Variants in XIRP2 observed in about 807,000 individuals in gnomAD.
The protein encoded by XIRP2 is xin actin-binding repeat-containing protein 2.
Under a neutral mutation model 277.0 loss-of-function variants are expected in XIRP2, and 236 were observed. That is an observed-to-expected ratio of 0.85 (90% confidence interval 0.77 to 0.95). The LOEUF (loss-of-function observed/expected upper bound fraction) is 0.95. XIRP2 is among the 40% of genes least tolerant of loss of function. XIRP2 has a pLI of 0.00. For synonymous variants in XIRP2, 1,490 were observed against 1,416.5 expected (o/e 1.05, Z -1.17); for missense variants, 4,640 against 4,157.5 (o/e 1.12, Z -3.19).
intron 2 of XIRP2, among the ~76,000 whole-genome samples, chr2:166,994,321 CTG>C (rs1687143812): frequency 1.2e-5 from 1 of 81,460 alleles, no homozygotes; most frequent in Admixed American, 1.4e-4. Context: ...ACTCTGGGGA[CTG>C]TGGTGGGGTC....
intron 2 of XIRP2, among the ~76,000 whole-genome samples, chr2:167,084,758 G>T (rs1689871997): frequency 6.7e-6 from 1 of 150,288 alleles, no homozygotes; most frequent in East Asian, 2.0e-4. Context: ...TCTGATGGTA[G>T]TTTGTATTTC....
At chr2:166,921,727 G>C (rs1396078352) in intron 2 of XIRP2, among the ~76,000 whole-genome samples, 1 of 152,098 alleles carries the variant, frequency 6.6e-6, no homozygotes, top group East Asian at 1.9e-4. Context: ...TCCTTTCAGT[G>C]TCTACTCTTA....
At chr2:167,172,022 A>C (rs1692707566) in intron 3 of XIRP2, among the ~76,000 whole-genome samples, 1 of 152,192 alleles carries the variant, frequency 6.6e-6, no homozygotes, top group Non-Finnish European at 1.5e-5. Flanking sequence ...CATCATGGAA[A>C]ATTATGTATG....
At chr2:167,101,468 C>T (rs1690484473) in intron 2 of XIRP2, among the ~76,000 whole-genome samples, 1 of 152,146 alleles carries the variant, frequency 6.6e-6, no homozygotes, top group African/African-American at 2.4e-5. Context: ...ATCCCTCACC[C>T]ACTTCCCACC....
chr2:167,150,652 T>G (rs934369547), intron 3 of XIRP2, among the ~76,000 whole-genome samples: 1 of 151,948 alleles, frequency 6.6e-6, no homozygotes, highest in African/African-American at 2.4e-5. Context: ...ATTTAACATT[T>G]TATAGGAAGA....
chr2:166,962,660 G>C (rs530814463), intron 2 of XIRP2, among the ~76,000 whole-genome samples: 1 of 151,924 alleles, frequency 6.6e-6, no homozygotes, highest in South Asian at 2.1e-4. Flanking sequence ...ATGCCTTGTT[G>C]AAGTTTATTA....
intron 1 of XIRP2, among the ~76,000 whole-genome samples, chr2:166,895,562 A>T (rs1366106576): frequency 6.6e-6 from 1 of 152,014 alleles, no homozygotes; most frequent in East Asian, 1.9e-4. Flanking sequence ...AAAGAAGGGG[A>T]TGCCATGTCC....
intron 2 of XIRP2, among the ~76,000 whole-genome samples, chr2:166,994,912 G>A (rs1263089371): frequency 2.0e-5 from 3 of 151,144 alleles, no homozygotes; most frequent in East Asian, 2.0e-4. Context: ...AAAAATGTGG[G>A]CTTTGACTTC....
In XIRP2 at chr2:167,217,149, G is replaced by A. The variant is rs1573966538; in HGVS notation, c.724-1017G>A. Among the ~76,000 whole-genome samples the A allele has an allele frequency of 4.6e-5, 6 of 130,092 alleles. No individual in the cohort carries two copies. The Admixed American group carries it at 4.7e-4, about 10-fold the overall frequency. 85.3% of individuals were successfully genotyped at this position (130,092 alleles called of 152,430 possible). ...GGACTGTGGTGGGGTGGGGGGAGGG[G>A]GAAGGGGTAGCATTGGGAGATATAC... On this transcript the variant is annotated intron_variant, in intron 4 of 10. Coordinates refer to ENST00000409195, the MANE Select transcript of XIRP2 (RefSeq NM_152381.6).
chr2:167,058,002 T>G (rs1358178027), intron 2 of XIRP2, among the ~76,000 whole-genome samples: 1 of 150,806 alleles, frequency 6.6e-6, no homozygotes, highest in Non-Finnish European at 1.5e-5. Flanking sequence ...CCGTTATGCA[T>G]GTTTTATTTT....
At chr2:167,176,151 GT>G (rs1692840065) in intron 3 of XIRP2, among the ~76,000 whole-genome samples, 1 of 152,132 alleles carries the variant, frequency 6.6e-6, no homozygotes, top group South Asian at 2.1e-4. Context: ...GGCATTCCAG[GT>G]GCCAACTGGA....
At chr2:167,094,749 G>A (rs775514267) in intron 2 of XIRP2, among the ~76,000 whole-genome samples, 17 of 152,158 alleles carry the variant, frequency 1.1e-4, no homozygotes, top group Non-Finnish European at 2.1e-4. Flanking sequence ...GTCAGGTAAC[G>A]TGATGCCTCC....
At chr2:166,973,102 T>C (rs943457528) in intron 2 of XIRP2, among the ~76,000 whole-genome samples, 9 of 152,288 alleles carry the variant, frequency 5.9e-5, no homozygotes, top group Middle Eastern at 3.4e-3. Context: ...CCACTTGCAT[T>C]TCATCAGCCA....
rs1202236116 is a variant in XIRP2, at chr2:167,085,363, G to C, written c.409-50546G>C. On this transcript the variant is annotated intron_variant, in intron 2 of 10. Transcript: ENST00000409195. ...TTGCTGAGGAGAGCTTTACTTCCAA[G>C]TATGTGGTCAATTTTGGAATAGGTG... Among the ~76,000 whole-genome samples the C allele has an allele frequency of 7.2e-3, 1,088 of 150,888 alleles. 14 individuals are homozygous for C. The highest frequency in any genetic ancestry group is 0.025 in the African/African-American group (1,029 of 41,246).
intron 2 of XIRP2, among the ~76,000 whole-genome samples, chr2:167,006,459 A>C (rs774408134): frequency 6.6e-6 from 1 of 151,576 alleles, no homozygotes; most frequent in Non-Finnish European, 1.5e-5. Flanking sequence ...TTTCTTTTTC[A>C]AGACTGTTGT....
chr2:167,163,036 T>G (rs1692416055), intron 3 of XIRP2, among the ~76,000 whole-genome samples: 1 of 152,204 alleles, frequency 6.6e-6, no homozygotes, highest in Admixed American at 6.5e-5. Context: ...ATGATTAGTA[T>G]TCCATTATGT....
intron 3 of XIRP2, among the ~76,000 whole-genome samples, chr2:167,186,548 G>T (rs959362018): frequency 2.0e-5 from 3 of 152,140 alleles, no homozygotes; most frequent in African/African-American, 7.2e-5. Flanking sequence ...TATTTACTGA[G>T]AATGTATGAG....
intron 2 of XIRP2, among the ~76,000 whole-genome samples, chr2:166,971,632 T>C (rs571590740): frequency 6.6e-6 from 1 of 152,236 alleles, no homozygotes; most frequent in Admixed American, 6.5e-5. Context: ...ATGACTTTTT[T>C]CAAGGTGGAT....
rs530923637 is a variant in XIRP2 at position 167,207,860 on chromosome 2, A to G, written c.563-2875A>G. ...TTCTTATCCTTGTTATCTAATAGCCATGATAATAGATTGTATTTTTTAGTG... is the reference window on the plus strand; with the variant it reads ...TTCTTATCCTTGTTATCTAATAGCCGTGATAATAGATTGTATTTTTTAGTG... On this transcript the variant is annotated intron_variant, in intron 3 of 10. Transcript: ENST00000409195. Among the ~76,000 whole-genome samples the G allele has an allele frequency of 2.0e-5, 3 of 152,316 alleles. No individual in the cohort carries two copies. The East Asian group carries it at 5.8e-4, about 29-fold the overall frequency.
Sources: gnomAD v4.1 joint callset for allele counts (sites outside exome capture counted in the v4.1 genomes callset) on GRCh38, gnomAD v4.1.1 for gene constraint, MANE v1.5 for transcripts, NCBI Gene and HGNC (gene_info 2026-07-23, HGNC 2026-07-21) for gene names.